Variants in ADCY3 observed in about 807,000 individuals in gnomAD.
ADCY3 encodes adenylate cyclase 3.
In ADCY3, 70 loss-of-function variants were observed where a neutral mutation model predicts 119.4. That is an observed-to-expected ratio of 0.59 (90% CI 0.48 to 0.72). The LOEUF (loss-of-function observed/expected upper bound fraction) is 0.72, where lower values mean the gene tolerates loss of function less well. Among genes scored for constraint, ADCY3 ranks in the 30% least tolerant of loss-of-function variants. The pLI is 0.00. For missense variants in ADCY3, 1,238 were observed against 1,541.6 expected (o/e 0.80, Z 3.30); for synonymous variants, 672 against 621.4 (o/e 1.08, Z -1.21).
At chr2:24,827,458 TGAGATCCC>T (rs1244926469) in intron 15 of ADCY3, 80 bp downstream of exon 15, 6 of 1,427,750 alleles carry the variant, frequency 4.2e-6, no homozygotes, top group Non-Finnish European at 5.8e-6. Flanking sequence ...CCCGGGAGGG[TGAGATCCC>T]GGGGCTTGGG....
intron 17 of ADCY3, among the ~76,000 whole-genome samples, chr2:24,823,588 C>T (rs1243512885): frequency 2.0e-5 from 3 of 151,192 alleles, no homozygotes; most frequent in South Asian, 4.2e-4. Flanking sequence ...TCGAAGCACA[C>T]TGCGGCCTTG....
Position 24,874,099 on chromosome 2 carries a change from T to C in ADCY3, c.676-1380A>G, listed in dbSNP as rs570482502. On this transcript the variant is annotated intron_variant, in intron 2 of 21. Coordinates refer to ENST00000679454, the MANE Select transcript of ADCY3 (RefSeq NM_004036.5). The stretch of plus-strand genomic sequence containing the variant: ...ATGCCATATTCCCTGAACTGTGTTG[T>C]GTTTCATCAGAGCTGATCAACACTT... Among the ~76,000 whole-genome samples, 16 of 152,334 alleles carry C rather than the reference T, an allele frequency of 1.1e-4. No homozygotes were observed. In the East Asian group the frequency reaches 3.1e-3, roughly 29 times the overall value.
chr2:24,849,711 C>T (rs970062031), intron 3 of ADCY3, among the ~76,000 whole-genome samples: 35 of 152,106 alleles, frequency 2.3e-4, no homozygotes, highest in African/African-American at 6.8e-4. Flanking sequence ...GACGTCAGTG[C>T]GTGCAGAAGA....
Position 24,872,991 on chromosome 2 carries a change from CT to C in ADCY3, c.676-273del, listed in dbSNP as rs895941179. On this transcript the variant is annotated intron_variant, in intron 2 of 21. Coordinates refer to ENST00000679454, the MANE Select transcript of ADCY3 (RefSeq NM_004036.5). The surrounding 1 kb of genome is among the most constrained non-coding windows in gnomAD (Gnocchi z 4.4). The stretch of plus-strand genomic sequence containing the variant: ...AGGGGCAGGGTGCAGGCGTTCAAGC[CT>C]GGCTGAGGGGCTGTGGATCCCCCCT... 1.3e-5 allele frequency among the ~76,000 whole-genome samples: 2 copies of C among 152,224 alleles called. No individual in the cohort carries two copies. The highest frequency in any genetic ancestry group is 1.3e-4 in the Admixed American group (2 of 15,278).
At chr2:24,855,493 G>A (rs1033505930) in intron 3 of ADCY3, among the ~76,000 whole-genome samples, 2 of 152,188 alleles carry the variant, frequency 1.3e-5, no homozygotes, top group African/African-American at 2.4e-5. Flanking sequence ...AACCCTGGGG[G>A]CCGAGGCCTG....
intron 9 of ADCY3, among the ~76,000 whole-genome samples, chr2:24,835,516 A>C (rs1670181424): frequency 6.6e-6 from 1 of 152,212 alleles, no homozygotes; most frequent in African/African-American, 2.4e-5. Context: ...CCAGTTCCAA[A>C]GAAAAAGCAT....
chr2:24,897,840 T>C (rs946528289), intron 2 of ADCY3, among the ~76,000 whole-genome samples: 2 of 152,078 alleles, frequency 1.3e-5, no homozygotes, highest in African/African-American at 4.8e-5. Context: ...GTGGCTCAGG[T>C]CAGGTCCTTG....
intron 2 of ADCY3, among the ~76,000 whole-genome samples, chr2:24,905,222 C>G (rs1201847830): frequency 6.6e-6 from 1 of 151,802 alleles, no homozygotes; most frequent in African/African-American, 2.4e-5. Flanking sequence ...CAAGCTCTGC[C>G]CCCTGGGTTC....
chr2:24,869,540 G>A (rs2148794718), intron 3 of ADCY3, among the ~76,000 whole-genome samples: 1 of 152,138 alleles, frequency 6.6e-6, no homozygotes, highest in South Asian at 2.1e-4. Flanking sequence ...CAAGTAGCTG[G>A]GACTACAGGC....
chr2:24,868,018 T>C (rs1674507271), intron 3 of ADCY3, among the ~76,000 whole-genome samples: 1 of 152,134 alleles, frequency 6.6e-6, no homozygotes, highest in South Asian at 2.1e-4. Context: ...TTTTAAAGAT[T>C]TTGACAGATT....
At chr2:24,891,432 G>A (rs572096402) in intron 2 of ADCY3, among the ~76,000 whole-genome samples, 7 of 152,168 alleles carry the variant, frequency 4.6e-5, no homozygotes, top group East Asian at 1.9e-4. Flanking sequence ...TAGCTGTCTC[G>A]GTTATGAGAT....
chr2:24,887,565 G>A (rs1314123976), intron 2 of ADCY3, among the ~76,000 whole-genome samples: 1 of 151,938 alleles, frequency 6.6e-6, no homozygotes. Flanking sequence ...GGCTCCTGAG[G>A]GTGCCTGGTT....
intron 3 of ADCY3, among the ~76,000 whole-genome samples, chr2:24,846,980 T>TG (rs1671728482): frequency 6.6e-6 from 1 of 152,136 alleles, no homozygotes; most frequent in Non-Finnish European, 1.5e-5. Context: ...GTTAAGACTT[T>TG]GGGGGGACTA....
chr2:24,904,162 A>G (rs1277424306), intron 2 of ADCY3, among the ~76,000 whole-genome samples: 1 of 152,160 alleles, frequency 6.6e-6, no homozygotes, highest in Non-Finnish European at 1.5e-5. Context: ...AGAAAGAAAG[A>G]AAAAGAGAGA....
At chr2:24,820,150 G>C (rs191188377) in intron 21 of ADCY3, 36 bp from the exon 22 acceptor site, 4 of 1,505,686 alleles carry the variant, frequency 2.7e-6, no homozygotes, top group Non-Finnish European at 3.6e-6. Flanking sequence ...GTGGCGTTAC[G>C]GGGGGAGCCT....
Position 24,878,063 on chromosome 2 carries a change from C to CT in ADCY3, c.676-5345dup, listed in dbSNP as rs925385431. 36 of 296,654 alleles carry CT rather than the reference C, an allele frequency of 1.2e-4. No homozygotes were observed. Among genetic ancestry groups the CT allele is most frequent in the African/African-American group, 7.5e-4 (34 of 45,072 alleles). The allele number at this position is 296,654 out of a possible 1,614,324, so 18.4% of individuals were successfully genotyped here. A position where few individuals can be genotyped will look rare whatever the true frequency, so the allele number is the denominator to read the frequency against. ...GCCCCTGGGGTCTCTATTTATAGAT[C>CT]TTTTTACAAGTTTCTTAATCCTAAA... On this transcript the variant is annotated intron_variant, in intron 2 of 21. Coordinates refer to ENST00000679454, the MANE Select transcript of ADCY3 (RefSeq NM_004036.5). This position sits in a 1 kb window ranked among gnomAD's most constrained non-coding sequence, Gnocchi z 4.0.
In ADCY3 at chr2:24,842,276, T is replaced by A; in HGVS notation, c.934A>T (p.Met312Leu). 1 of 1,614,098 alleles carries A rather than the reference T, an allele frequency of 6.2e-7. No individual in the cohort carries two copies. Among genetic ancestry groups the A allele is most frequent in the Non-Finnish European group, 8.5e-7 (1 of 1,180,014 alleles). The change falls in exon 4 of 22, where the codon ATG becomes TTG. Residue 312 changes from methionine to leucine, a missense_variant. By Grantham distance (15) the Met-to-Leu change is conservative (BLOSUM62 2). Coordinates refer to ENST00000679454, the MANE Select transcript of ADCY3 (RefSeq NM_004036.5). This position sits in a 1 kb window ranked among gnomAD's most constrained non-coding sequence, Gnocchi z 4.9. ...KDQQQFNTMY[M>L]YRHENVSILF... ...TACCTGACGTTCTCGTGACGGTACA[T>A]GTACATGGTGTTGAACTGCTGCTGG...
intron 20 of ADCY3, 121 bp from the exon 21 acceptor site, chr2:24,820,969 T>C (rs1008272647): frequency 4.2e-6 from 6 of 1,416,996 alleles, no homozygotes; most frequent in African/African-American, 2.9e-5. Flanking sequence ...ATTGTCCTCA[T>C]TCAACTTGGC....
In ADCY3 at chr2:24,821,520, T is replaced by C; in HGVS notation, c.3124A>G (p.Ile1042Val). ...CAGGCCAGCTGGGGGTGCTCACCTATGCGCAGCATGAAGTTATTGAAGGAC... is the reference window on the plus strand; with the variant it reads ...CAGGCCAGCTGGGGGTGCTCACCTACGCGCAGCATGAAGTTATTGAAGGAC... ...NQSFNNFMLR[I>V]GMNKGGVLAG... The change falls in exon 20 of 22, where the codon ATA (isoleucine) becomes GTA (valine). Residue 1042 changes from isoleucine to valine, a missense_variant. Physicochemically the swap from Ile to Val is conservative, Grantham distance 29. Coordinates refer to ENST00000679454, the MANE Select transcript of ADCY3 (RefSeq NM_004036.5). 2 of 1,614,052 alleles carry C rather than the reference T, an allele frequency of 1.2e-6. No homozygotes were observed. Among genetic ancestry groups the C allele is most frequent in the Non-Finnish European group, 1.7e-6 (2 of 1,179,962 alleles).
Sources: allele counts gnomAD v4.1 joint callset (sites outside exome capture counted in the v4.1 genomes callset), GRCh38; gene constraint gnomAD v4.1.1; non-coding constraint Gnocchi (gnomAD v3.1); transcripts MANE v1.5; gene names NCBI Gene and HGNC (gene_info 2026-07-23, HGNC 2026-07-21).